FHIT: variants seen among roughly 807,000 people sequenced by gnomAD.
FHIT encodes fragile histidine triad diadenosine triphosphatase.
Under a neutral mutation model 17.9 loss-of-function variants are expected in FHIT, and 19 were observed. That is an observed-to-expected ratio of 1.06 (90% CI 0.74 to 1.56). The LOEUF is 1.56. Ranked by LOEUF, FHIT falls within the 40% of genes most tolerant of loss-of-function variation. The pLI is 0.00. For missense variants in FHIT, 248 were observed against 189.2 expected, an observed-to-expected ratio of 1.31 and a Z score of -1.82; for synonymous variants, 81 against 69.7, an observed-to-expected ratio of 1.16 and a Z score of -0.81.
chr3:59,948,150 C>G (rs924639207), intron 7 of FHIT, among the ~76,000 whole-genome samples: 1 of 152,056 alleles, frequency 6.6e-6, no homozygotes, highest in African/African-American at 2.4e-5. Flanking sequence ...TTCCCTTTCT[C>G]TGGGATAAAT....
At chr3:61,196,075 C>A (rs898884766) in intron 2 of FHIT, among the ~76,000 whole-genome samples, 3 of 151,844 alleles carry the variant, frequency 2.0e-5, no homozygotes, top group African/African-American at 7.3e-5. Context: ...CTGTGGGGAC[C>A]AGAAGTGGTA....
chr3:60,006,436 T>C (rs1011956580), intron 7 of FHIT, among the ~76,000 whole-genome samples: 3 of 152,110 alleles, frequency 2.0e-5, no homozygotes, highest in South Asian at 2.1e-4. Flanking sequence ...ATCTATTTTA[T>C]AGATGAGAAA....
intron 5 of FHIT, among the ~76,000 whole-genome samples, chr3:60,185,604 C>T (rs948233875): frequency 6.6e-6 from 1 of 152,118 alleles, no homozygotes; most frequent in African/African-American, 2.4e-5. Context: ...TTTCTAATTT[C>T]ATAAGTTTTC....
At chr3:61,235,544 T>A (rs928171093) in intron 1 of FHIT, among the ~76,000 whole-genome samples, 1 of 152,110 alleles carries the variant, frequency 6.6e-6, no homozygotes, top group Non-Finnish European at 1.5e-5. Flanking sequence ...AGAACCCATG[T>A]TGGAAAAATT....
At chr3:60,238,373 C>A (rs946263765) in intron 5 of FHIT, among the ~76,000 whole-genome samples, 3 of 133,866 alleles carry the variant, frequency 2.2e-5, no homozygotes, top group African/African-American at 8.3e-5. Context: ...ACTATCCTAT[C>A]TAAGAATGAA....
intron 4 of FHIT, among the ~76,000 whole-genome samples, chr3:60,674,054 G>A (rs67043096): frequency 0.23 from 34,930 of 151,426 alleles, 4,896 homozygotes; most frequent in East Asian, 0.74. Flanking sequence ...TAGACTTCTC[G>A]CTTTTGCCCC....
At chr3:60,928,794 G>A (rs1553770811) in intron 3 of FHIT, among the ~76,000 whole-genome samples, 1 of 152,122 alleles carries the variant, frequency 6.6e-6, no homozygotes, top group East Asian at 1.9e-4. Context: ...GTGCAAGGAG[G>A]AGCTGGTACC....
chr3:60,859,193 GT>G (rs1231824160), intron 3 of FHIT, among the ~76,000 whole-genome samples: 1 of 152,154 alleles, frequency 6.6e-6, no homozygotes, highest in East Asian at 1.9e-4. Context: ...TTAAGCACAT[GT>G]TTTTTGGAAC....
At chr3:60,935,582 C>A (rs1708155014) in intron 3 of FHIT, among the ~76,000 whole-genome samples, 1 of 152,210 alleles carries the variant, frequency 6.6e-6, no homozygotes, top group Non-Finnish European at 1.5e-5. Context: ...CATGAGCCTG[C>A]TCTCTTCTGG....
In FHIT at chr3:60,391,929, T is replaced by G. The variant is rs114353723; in HGVS notation, c.103+144931A>C. Among the ~76,000 whole-genome samples, 1,423 of 152,118 alleles carry G rather than the reference T, an allele frequency of 9.4e-3. 29 individuals are homozygous for G. Among genetic ancestry groups the G allele is most frequent in the African/African-American group, 0.032 (1,338 of 41,496 alleles). On this transcript the variant is annotated intron_variant, in intron 5 of 9. Transcript: ENST00000492590. Reference sequence around the variant, plus strand: ...CTGGTGCCTTTCCTTAATGTTTCTTTCTTCTTTTTTTCTTTTTTTAATTCT... The same window carrying G: ...CTGGTGCCTTTCCTTAATGTTTCTTGCTTCTTTTTTTCTTTTTTTAATTCT...
At chr3:60,860,147 G>GATATATCT (rs1553751049) in intron 3 of FHIT, among the ~76,000 whole-genome samples, 2,624 of 76,438 alleles carry the variant, frequency 0.034, 585 homozygotes, top group African/African-American at 0.061. Flanking sequence ...ATATACATAT[G>GATATATCT]GTATATATGA....
At chr3:60,600,754 G>T (rs545341730) in intron 4 of FHIT, among the ~76,000 whole-genome samples, 1 of 152,104 alleles carries the variant, frequency 6.6e-6, no homozygotes, top group Non-Finnish European at 1.5e-5. Flanking sequence ...AGACAAATTC[G>T]AGAAAAACAA....
At chr3:60,582,767 CAACA>C (rs1256285279) in intron 4 of FHIT, among the ~76,000 whole-genome samples, 1 of 152,124 alleles carries the variant, frequency 6.6e-6, no homozygotes, top group African/African-American at 2.4e-5. Context: ...AACATAACAA[CAACA>C]AATAGAAAGT....
chr3:60,398,100 C>T (rs920433728), intron 5 of FHIT, among the ~76,000 whole-genome samples: 2 of 152,196 alleles, frequency 1.3e-5, no homozygotes, highest in Non-Finnish European at 2.9e-5. Flanking sequence ...AGCCTAATTC[C>T]TCCTGGTTGT....
At chr3:60,518,776 A>C (rs1002284180) in intron 5 of FHIT, among the ~76,000 whole-genome samples, 1 of 152,232 alleles carries the variant, frequency 6.6e-6, no homozygotes. Flanking sequence ...TGGGAGGCAG[A>C]GGCAGGCAGA....
At chr3:61,004,725 G>C (rs1308629358) in intron 3 of FHIT, among the ~76,000 whole-genome samples, 1 of 151,980 alleles carries the variant, frequency 6.6e-6, no homozygotes, top group East Asian at 1.9e-4. Flanking sequence ...CCATTGGCCA[G>C]AAGGCAAAAA....
At chr3:60,451,591 T>C (rs1408519677) in intron 5 of FHIT, among the ~76,000 whole-genome samples, 1 of 152,154 alleles carries the variant, frequency 6.6e-6, no homozygotes, top group African/African-American at 2.4e-5. Flanking sequence ...ATAAAGGATA[T>C]TAAATATCAG....
Position 60,715,804 on chromosome 3 carries a change from G to A in FHIT, c.-18+106115C>T, listed in dbSNP as rs117448348. Among the ~76,000 whole-genome samples, 35 of 152,108 alleles carry A rather than the reference G, an allele frequency of 2.3e-4. No individual in the cohort carries two copies. In the East Asian group the frequency reaches 6.6e-3, roughly 29 times the overall value. ...AAAAACAAAACAAAACATTACATTT[G>A]CATCATTAATGAAAATATTAACATA... is the stretch of plus-strand genomic sequence containing the variant. On this transcript the variant is annotated intron_variant, in intron 4 of 9. Transcript: ENST00000492590.
chr3:60,380,788 T>C (rs1312541818), intron 5 of FHIT, among the ~76,000 whole-genome samples: 2 of 152,208 alleles, frequency 1.3e-5, no homozygotes, highest in Non-Finnish European at 2.9e-5. Context: ...CAAAGATGAA[T>C]ATTTCTTAGA....
Sources: gnomAD v4.1 joint callset for allele counts (sites outside exome capture counted in the v4.1 genomes callset) on GRCh38, gnomAD v4.1.1 for gene constraint, MANE v1.5 for transcripts, NCBI Gene and HGNC (gene_info 2026-07-23, HGNC 2026-07-21) for gene names.